SECISBP2L: variants seen among roughly 807,000 people sequenced by gnomAD.
The protein encoded by SECISBP2L is selenocysteine insertion sequence-binding protein 2-like.
A neutral mutation model predicts 114.7 loss-of-function variants in SECISBP2L; 43 were observed. The observed-to-expected ratio is 0.38, with a 90% confidence interval of 0.29 to 0.48. The LOEUF is 0.48. Ranked by LOEUF, SECISBP2L falls within the 20% of genes least tolerant of loss-of-function variation. The pLI, the probability that SECISBP2L is intolerant of heterozygous loss-of-function variation, is 0.98. For synonymous variants in SECISBP2L, 451 were observed against 439.7 expected, an observed-to-expected ratio of 1.03 and a Z score of -0.32; for missense variants, 1,136 against 1,301.1, an observed-to-expected ratio of 0.87 and a Z score of 1.95.
rs770901918 is a variant in SECISBP2L at position 49,035,668 on chromosome 15, C to CA, written c.204-11dup. 1.3e-6 allele frequency: 2 copies of CA among 1,591,236 alleles called. No homozygotes were observed. The highest frequency in any genetic ancestry group is 1.7e-6 in the Non-Finnish European group (2 of 1,167,160). On this transcript the variant is annotated splice_polypyrimidine_tract_variant and intron_variant, in intron 2 of 17. Transcript: ENST00000559471. ...ATATAAAGGAAACTGTCTGCAAAAC[C>CA]AAATCAAAGAAGAACAAATCTATTG...
At chr15:49,026,305 T>C (rs914288225) in intron 7 of SECISBP2L, among the ~76,000 whole-genome samples, 2 of 152,188 alleles carry the variant, frequency 1.3e-5, no homozygotes, top group Admixed American at 1.3e-4. Context: ...TAGTGTTCTA[T>C]AGCCCTGGTA....
chr15:49,004,820 C>T (rs188488739), intron 14 of SECISBP2L, among the ~76,000 whole-genome samples: 1,869 of 152,274 alleles, frequency 0.012, 17 homozygotes, highest in Middle Eastern at 0.02. Context: ...TTCCATTCTT[C>T]TGCATTTGCT....
At chr15:49,016,459 T>C in intron 11 of SECISBP2L, 101 bp downstream of exon 11, 5 of 1,012,200 alleles carry the variant, frequency 4.9e-6, no homozygotes, top group Non-Finnish European at 7.1e-6. Context: ...CACACACATA[T>C]ATATACACAT....
At chr15:49,005,464 T>C (rs1005536808) in intron 14 of SECISBP2L, among the ~76,000 whole-genome samples, 4 of 152,130 alleles carry the variant, frequency 2.6e-5, no homozygotes, top group African/African-American at 7.2e-5. Flanking sequence ...TCTTGATGCA[T>C]TGATCCCTTT....
intron 16 of SECISBP2L, 74 bp from the exon 17 acceptor site, chr15:48,996,660 C>A: frequency 3.0e-6 from 4 of 1,319,434 alleles, no homozygotes; most frequent in Non-Finnish European, 4.2e-6. Flanking sequence ...TAATAAATAT[C>A]TCTACTGTTT....
intron 16 of SECISBP2L, among the ~76,000 whole-genome samples, chr15:48,998,285 T>C (rs867238189): frequency 3.3e-5 from 5 of 152,228 alleles, no homozygotes; most frequent in African/African-American, 4.8e-5. Flanking sequence ...AGGTATAATA[T>C]AGGATGCTGC....
At position 49,028,655 on chromosome 15, in the gene SECISBP2L, G is replaced by A; in HGVS notation, c.692C>T (p.Ser231Phe). ...CATTGTTGCAGTGGTCTCTGAGAGA[G>A]ACTTGTTAGCGATATCTGATGGGAA... ...TDFPSDIANK[S>F]LSETTATMLW... The change falls in exon 5 of 18, where the codon TCT becomes TTT. Residue 231 changes from serine to phenylalanine, a missense_variant. Ser to Phe is a radical substitution (Grantham distance 155, BLOSUM62 -2). Transcript: ENST00000559471. The A allele has an allele frequency of 1.2e-6, 2 of 1,614,082 alleles. No individual in the cohort carries two copies. Among genetic ancestry groups the A allele is most frequent in the Non-Finnish European group, 8.5e-7 (1 of 1,179,982 alleles).
At chr15:48,999,583 G>C (rs1902162426) in intron 16 of SECISBP2L, among the ~76,000 whole-genome samples, 1 of 151,932 alleles carries the variant, frequency 6.6e-6, no homozygotes, top group East Asian at 1.9e-4. Flanking sequence ...AGTTGAGCCT[G>C]GAAGAAAAAA....
chr15:49,026,494 T>C (rs1228788322), intron 7 of SECISBP2L, among the ~76,000 whole-genome samples: 1 of 152,198 alleles, frequency 6.6e-6, no homozygotes, highest in Non-Finnish European at 1.5e-5. Context: ...TATAACTATG[T>C]ACAGTTATCA....
chr15:48,992,223 A>G lies in SECISBP2L; in HGVS notation c.*21T>C, dbSNP rs769012886. On this transcript the variant is annotated 3_prime_UTR_variant, in exon 18 of 18. Coordinates refer to ENST00000559471, the MANE Select transcript of SECISBP2L (RefSeq NM_001193489.2). ...CTGCAACCCTTCCACAGCTGGAGAT[A>G]GAGAGCCGACATTTCCTGAGTTACG... 8 of 1,574,790 alleles carry G rather than the reference A, an allele frequency of 5.1e-6. No homozygotes were observed. Among genetic ancestry groups the G allele is most frequent in the Non-Finnish European group, 2.6e-6 (3 of 1,159,718 alleles).
chr15:49,037,272 C>CAAAAAAAAAAAAAAAA (rs147547008), intron 2 of SECISBP2L: 1 of 75,612 alleles, frequency 1.3e-5, no homozygotes, highest in Admixed American at 2.0e-4. Context: ...TGTTCAATCT[C>CAAAAAAAAAAAAAAAA]AAAAAAAAAA....
chr15:49,028,392 G>A, intron 5 of SECISBP2L, 61 bp downstream of exon 5: 1 of 1,472,404 alleles, frequency 6.8e-7, no homozygotes, highest in Non-Finnish European at 9.5e-7. Context: ...TTTAGCAGAG[G>A]ATGCAAAATA....
intron 17 of SECISBP2L, among the ~76,000 whole-genome samples, 192 bp from the exon 18 acceptor site, chr15:48,993,118 T>A (rs1160707108): frequency 1.5e-3 from 234 of 151,466 alleles, no homozygotes; most frequent in Admixed American, 4.3e-3. Context: ...TGTGTGTGTG[T>A]GTGTGTGTGT....
chr15:49,015,723 TAC>T (rs199602061), intron 11 of SECISBP2L, among the ~76,000 whole-genome samples: 1 of 152,174 alleles, frequency 6.6e-6, no homozygotes. Flanking sequence ...TTTTCTCATA[TAC>T]ACACACACAC....
chr15:49,035,681 AACAAATCT>A (rs771069774), intron 2 of SECISBP2L, 23 bp from the exon 3 acceptor site: 218 of 1,581,866 alleles, frequency 1.4e-4, no homozygotes, highest in Non-Finnish European at 1.8e-4. Flanking sequence ...ATCAAAGAAG[AACAAATCT>A]ATTGACAAGT....
chr15:49,017,428 C>T, intron 9 of SECISBP2L, 120 bp downstream of exon 9: 1 of 662,828 alleles, frequency 1.5e-6, no homozygotes, highest in Non-Finnish European at 2.6e-6. Flanking sequence ...GTACTAAACA[C>T]CATCTCCTGC....
chr15:49,030,057 AAAC>A (rs1458082758), intron 4 of SECISBP2L, among the ~76,000 whole-genome samples: 1 of 151,932 alleles, frequency 6.6e-6, no homozygotes, highest in Admixed American at 6.5e-5. Flanking sequence ...CAAAAAAAAA[AAAC>A]AAAAAACAAG....
rs577323640 is a variant in SECISBP2L at position 49,017,794 on chromosome 15, T to C, written c.1171-166A>G. 601 of 506,968 alleles carry C rather than the reference T, an allele frequency of 1.2e-3. 8 individuals are homozygous for C. In the South Asian group the frequency reaches 0.017, roughly 14 times the overall value. 31.4% of individuals were successfully genotyped at this position (506,968 alleles called of 1,614,324 possible). On this transcript the variant is annotated intron_variant, in intron 8 of 17. Coordinates refer to ENST00000559471, the MANE Select transcript of SECISBP2L (RefSeq NM_001193489.2). ...ATGTCATTTCTCACATGCTAAAATATAAACAATTTAATTATTCAAGGATGG... is the reference window on the plus strand; with the variant it reads ...ATGTCATTTCTCACATGCTAAAATACAAACAATTTAATTATTCAAGGATGG...
chr15:49,030,043 A>G (rs1304657251), intron 4 of SECISBP2L, among the ~76,000 whole-genome samples: 1 of 77,308 alleles, frequency 1.3e-5, no homozygotes, highest in Non-Finnish European at 3.0e-5. Context: ...GTACCAAGAC[A>G]GTCCAAAAAA....
Sources: allele counts gnomAD v4.1 joint callset (sites outside exome capture counted in the v4.1 genomes callset), GRCh38; gene constraint gnomAD v4.1.1; transcripts MANE v1.5; gene names NCBI Gene and HGNC (gene_info 2026-07-23, HGNC 2026-07-21).